The following ARHGAP24 variants were observed in gnomAD, a reference collection of about 807,000 sequenced individuals.
The protein encoded by ARHGAP24 is Rho GTPase activating protein 24.
Under a neutral mutation model 76.4 loss-of-function variants are expected in ARHGAP24, and 50 were observed. That is an observed-to-expected ratio of 0.65 (90% CI 0.52 to 0.83). The LOEUF (loss-of-function observed/expected upper bound fraction) is 0.83, where lower values mean the gene tolerates loss of function less well. Ranked by LOEUF, ARHGAP24 falls within the 40% of genes least tolerant of loss-of-function variation. The pLI is 0.00. For synonymous variants in ARHGAP24, 345 were observed against 323.3 expected, an observed-to-expected ratio of 1.07 and a Z score of -0.72; for missense variants, 930 against 914.2, an observed-to-expected ratio of 1.02 and a Z score of -0.22.
chr4:85,984,910 C>T (rs139879965), intron 8 of ARHGAP24, among the ~76,000 whole-genome samples: 1 of 152,246 alleles, frequency 6.6e-6, no homozygotes, highest in Non-Finnish European at 1.5e-5. Context: ...CAACCTCCAC[C>T]TCCCAGGTTC....
chr4:85,523,579 T>G (rs1724871060), intron 1 of ARHGAP24, among the ~76,000 whole-genome samples: 1 of 152,170 alleles, frequency 6.6e-6, no homozygotes, highest in Non-Finnish European at 1.5e-5. Flanking sequence ...AACTCTCAAC[T>G]TTAGTTATTC....
intron 3 of ARHGAP24, among the ~76,000 whole-genome samples, chr4:85,819,446 T>C (rs1729376722): frequency 6.6e-6 from 1 of 152,168 alleles, no homozygotes; most frequent in Admixed American, 6.5e-5. Flanking sequence ...CCCATTCCAG[T>C]AATTTTTCCA....
chr4:85,539,768 G>T (rs529139405), intron 1 of ARHGAP24, among the ~76,000 whole-genome samples: 1 of 152,118 alleles, frequency 6.6e-6, no homozygotes, highest in African/African-American at 2.4e-5. Context: ...ACAGAACTAG[G>T]TTTACAATAT....
chr4:85,776,815 C>T (rs969368387), intron 3 of ARHGAP24, among the ~76,000 whole-genome samples: 2 of 152,138 alleles, frequency 1.3e-5, no homozygotes, highest in African/African-American at 4.8e-5. Flanking sequence ...CTCCTCAAGG[C>T]CTATTACCTT....
intron 2 of ARHGAP24, among the ~76,000 whole-genome samples, chr4:85,691,336 T>C (rs777241558): frequency 3.3e-5 from 5 of 152,182 alleles, no homozygotes; most frequent in Admixed American, 2.6e-4. Context: ...TTATTGGGTG[T>C]AGTGTTCTGT....
chr4:85,521,335 T>A (rs1172754772), intron 1 of ARHGAP24, among the ~76,000 whole-genome samples: 1 of 105,380 alleles, frequency 9.5e-6, no homozygotes, highest in Admixed American at 1.2e-4. Flanking sequence ...GAAAGTTACA[T>A]AGTGTCTAAG....
At chr4:85,621,747 G>A (rs1334293412) in intron 2 of ARHGAP24, among the ~76,000 whole-genome samples, 2 of 152,042 alleles carry the variant, frequency 1.3e-5, no homozygotes, top group Admixed American at 1.3e-4. Flanking sequence ...TTATTCTGCT[G>A]TGCGCAAGCT....
chr4:85,572,945 C>T (rs1389038744), intron 2 of ARHGAP24, among the ~76,000 whole-genome samples: 7 of 140,434 alleles, frequency 5.0e-5, no homozygotes, highest in Non-Finnish European at 1.1e-4. Context: ...GGTGCGATCT[C>T]GGCTCACTGC....
chr4:85,949,511 G>A (rs934902291), intron 5 of ARHGAP24, among the ~76,000 whole-genome samples: 3 of 152,170 alleles, frequency 2.0e-5, no homozygotes, highest in Non-Finnish European at 2.9e-5. Flanking sequence ...TAGAATAGCC[G>A]ATGGCTGATT....
intron 2 of ARHGAP24, among the ~76,000 whole-genome samples, chr4:85,619,656 G>T (rs1405813611): frequency 6.6e-6 from 1 of 151,782 alleles, no homozygotes; most frequent in African/African-American, 2.4e-5. Flanking sequence ...ACAGTTTTCA[G>T]GATACAGATA....
chr4:85,557,103 C>T (rs140985118), intron 1 of ARHGAP24, among the ~76,000 whole-genome samples: 297 of 152,292 alleles, frequency 2.0e-3, no homozygotes, highest in African/African-American at 6.9e-3. Flanking sequence ...GCTACCTCTC[C>T]CTCTGGGAGC....
chr4:85,803,072 G>A (rs1728644445), intron 3 of ARHGAP24, among the ~76,000 whole-genome samples: 1 of 152,172 alleles, frequency 6.6e-6, no homozygotes, highest in Non-Finnish European at 1.5e-5. Flanking sequence ...AAAAATAATT[G>A]ATGAAGCTAA....
At chr4:85,501,267 ATTTCTAGTTCTAGATCTT>A (rs572058754) in intron 1 of ARHGAP24, among the ~76,000 whole-genome samples, 35 of 152,302 alleles carry the variant, frequency 2.3e-4, no homozygotes, top group African/African-American at 8.2e-4. Flanking sequence ...GTCAAATGGT[ATTTCTAGTTCTAGATCTT>A]TGAGGAATTG....
chr4:85,660,793 T>A (rs1166933531), intron 2 of ARHGAP24, among the ~76,000 whole-genome samples: 1 of 1,722 alleles, frequency 5.8e-4, no homozygotes, highest in African/African-American at 1.5e-3. Flanking sequence ...AGACTCCGTC[T>A]CAAAAAAAAA....
At chr4:85,593,962 G>A (rs1265280446) in intron 2 of ARHGAP24, among the ~76,000 whole-genome samples, 2 of 151,746 alleles carry the variant, frequency 1.3e-5, no homozygotes, top group African/African-American at 4.8e-5. Flanking sequence ...GTATAAATTT[G>A]GGGATTTTTT....
chr4:86,002,469 A>T lies in ARHGAP24; in HGVS notation c.*1747A>T, dbSNP rs1411603282. 1 of 152,156 alleles carries T rather than the reference A, an allele frequency of 6.6e-6. No homozygotes were observed. Among genetic ancestry groups the T allele is most frequent in the Non-Finnish European group, 1.5e-5 (1 of 68,020 alleles). The allele number at this position is 152,156 out of a possible 1,614,324, so 9.4% of individuals were successfully genotyped here. On this transcript the variant is annotated 3_prime_UTR_variant, in exon 10 of 10. Coordinates refer to ENST00000395184, the MANE Select transcript of ARHGAP24 (RefSeq NM_001025616.3). ...AATAACTCTCCCTTCATATCTTTTC[A>T]CCTATTTCCAGTCCTTATCATAGTT...
chr4:85,759,561 C>A (rs1382473506), intron 3 of ARHGAP24, among the ~76,000 whole-genome samples: 1 of 152,138 alleles, frequency 6.6e-6, no homozygotes, highest in Non-Finnish European at 1.5e-5. Context: ...TCAGCAATCA[C>A]TTTGGCAGGT....
intron 3 of ARHGAP24, among the ~76,000 whole-genome samples, chr4:85,887,279 C>T (rs911189064): frequency 6.6e-6 from 1 of 152,068 alleles, no homozygotes; most frequent in Non-Finnish European, 1.5e-5. Context: ...AGATTCTTTG[C>T]TGATTAGAGT....
At position 85,729,880 on chromosome 4, in the gene ARHGAP24, A is replaced by G. The variant is rs148433733; in HGVS notation, c.268+7908A>G. ...AGTGAACCAGATTTGGCCCGTGGGC[A>G]TAGTTTGCTGACCCCTGGGCTAGAT... On this transcript the variant is annotated intron_variant, in intron 3 of 9. Transcript: ENST00000395184. Among the ~76,000 whole-genome samples the G allele has an allele frequency of 3.5e-3, 537 of 152,318 alleles. 2 individuals carry two copies. The highest frequency in any genetic ancestry group is 0.012 in the African/African-American group (503 of 41,566).
Sources: gnomAD v4.1 joint callset for allele counts (sites outside exome capture counted in the v4.1 genomes callset) on GRCh38, gnomAD v4.1.1 for gene constraint, MANE v1.5 for transcripts, NCBI Gene and HGNC (gene_info 2026-07-23, HGNC 2026-07-21) for gene names.